Variants in VAV3 observed in about 807,000 individuals in gnomAD.
The protein encoded by VAV3 is guanine nucleotide exchange factor VAV3.
VAV3 carries 94 observed loss-of-function variants against 131.2 expected under a neutral mutation model. The observed-to-expected ratio is 0.72, with a 90% CI of 0.61 to 0.85. The LOEUF (loss-of-function observed/expected upper bound fraction) is 0.85, where lower values mean the gene tolerates loss of function less well. Ranked by LOEUF, VAV3 falls within the 40% of genes least tolerant of loss-of-function variation. VAV3 has a pLI of 0.00. For missense variants in VAV3, 939 were observed against 1,002.7 expected (o/e 0.94, Z 0.86); for synonymous variants, 349 against 342.0 (o/e 1.02, Z -0.22).
intron 1 of VAV3, among the ~76,000 whole-genome samples, chr1:107,914,028 C>A (rs1433877466): frequency 6.6e-6 from 1 of 152,206 alleles, no homozygotes; most frequent in South Asian, 2.1e-4. Context: ...CTCCTGACCT[C>A]AGGTGATCTG....
chr1:107,639,545 T>A (rs1268911741), intron 20 of VAV3, among the ~76,000 whole-genome samples: 2 of 152,200 alleles, frequency 1.3e-5, no homozygotes, highest in East Asian at 3.8e-4. Flanking sequence ...AGCAAAGTTA[T>A]ATAGATGGTA....
intron 15 of VAV3, among the ~76,000 whole-genome samples, chr1:107,722,840 C>CTTTTTTTTTTTTTTTTTTTTTTTTTT (rs374127110): frequency 7.7e-6 from 1 of 129,812 alleles, no homozygotes; most frequent in Non-Finnish European, 1.6e-5. Context: ...ATTATCCTCT[C>CTTTTTTTTTTTTTTTTTTTTTTTTTT]TTTTTTTTTT....
intron 13 of VAV3, 89 bp from the exon 14 acceptor site, chr1:107,749,683 T>C (rs567300295): frequency 2.0e-5 from 29 of 1,439,808 alleles, no homozygotes; most frequent in South Asian, 1.2e-4. Flanking sequence ...CAAATGTTTT[T>C]TTCTTTGCAT....
chr1:107,772,663 T>A, intron 5 of VAV3, 72 bp downstream of exon 5: 1 of 1,309,860 alleles, frequency 7.6e-7, no homozygotes, highest in Admixed American at 2.0e-5. Context: ...AGATGTTACA[T>A]AAATTATTAT....
intron 25 of VAV3, among the ~76,000 whole-genome samples, chr1:107,588,852 G>T (rs539746662): frequency 3.3e-5 from 5 of 152,092 alleles, no homozygotes; most frequent in African/African-American, 1.2e-4. Flanking sequence ...GAATTCTTAG[G>T]TTCTCTTATT....
chr1:107,873,075 G>T (rs1670325536), intron 2 of VAV3, among the ~76,000 whole-genome samples: 1 of 152,112 alleles, frequency 6.6e-6, no homozygotes, highest in Non-Finnish European at 1.5e-5. Flanking sequence ...TATAATGTAG[G>T]TTCAAGTTCT....
intron 24 of VAV3, among the ~76,000 whole-genome samples, chr1:107,597,531 T>A (rs2101077959): frequency 6.6e-6 from 1 of 152,294 alleles, no homozygotes; most frequent in South Asian, 2.1e-4. Context: ...GAGAACTTTG[T>A]TTTGTGTATC....
intron 17 of VAV3, among the ~76,000 whole-genome samples, chr1:107,703,688 T>C (rs918319868): frequency 6.6e-6 from 1 of 152,238 alleles, no homozygotes; most frequent in Non-Finnish European, 1.5e-5. Flanking sequence ...TTATCCAAAA[T>C]AATTCAATGT....
At chr1:107,621,089 A>ACTTT (rs556223868) in intron 20 of VAV3, among the ~76,000 whole-genome samples, 1 of 147,340 alleles carries the variant, frequency 6.8e-6, no homozygotes, top group East Asian at 2.0e-4. Context: ...ATCAAAACTC[A>ACTTT]TTTTTTTTTT....
chr1:107,890,118 C>T (rs1671243417), intron 1 of VAV3, among the ~76,000 whole-genome samples: 2 of 152,012 alleles, frequency 1.3e-5, no homozygotes, highest in South Asian at 4.1e-4. Flanking sequence ...AGTATCAATG[C>T]TTAGGTTTTG....
At chr1:107,908,967 G>C (rs1672243283) in intron 1 of VAV3, among the ~76,000 whole-genome samples, 1 of 151,708 alleles carries the variant, frequency 6.6e-6, no homozygotes, top group Admixed American at 6.6e-5. Context: ...TACAACAACT[G>C]CTATTCATAT....
intron 25 of VAV3, among the ~76,000 whole-genome samples, chr1:107,584,808 G>A (rs970992199): frequency 6.6e-6 from 1 of 152,032 alleles, no homozygotes; most frequent in Non-Finnish European, 1.5e-5. Context: ...TAAGTATAAG[G>A]TCTTTCTTAT....
At chr1:107,964,595 A>G (rs973639644) in intron 1 of VAV3, 71 bp downstream of exon 1, 2 of 1,524,704 alleles carry the variant, frequency 1.3e-6, no homozygotes, top group Non-Finnish European at 1.8e-6. Context: ...TTGCATTTAC[A>G]CAAAGAAATT....
In VAV3 at chr1:107,813,639, T is replaced by A. The variant is rs143753260; in HGVS notation, c.322-34147A>T. On this transcript the variant is annotated intron_variant, in intron 2 of 26. Transcript: ENST00000370056. The stretch of plus-strand genomic sequence containing the variant: ...TTCAAGTCCTCTCTTCTAGCTATTT[T>A]GAAAAATGTAATGCATTATTAACTA... 8.5e-5 allele frequency among the ~76,000 whole-genome samples: 13 copies of A among 152,304 alleles called. No individual in the cohort carries two copies. In the East Asian group the frequency reaches 2.5e-3, roughly 29 times the overall value.
At chr1:107,690,235 G>A (rs1659331647) in intron 17 of VAV3, among the ~76,000 whole-genome samples, 1 of 152,092 alleles carries the variant, frequency 6.6e-6, no homozygotes, top group Non-Finnish European at 1.5e-5. Context: ...TATTATTCAT[G>A]GCATAAAACC....
intron 1 of VAV3, among the ~76,000 whole-genome samples, chr1:107,931,537 T>A (rs1004395020): frequency 5.9e-5 from 9 of 152,248 alleles, no homozygotes; most frequent in African/African-American, 1.9e-4. Flanking sequence ...TCTTTGTGTA[T>A]GTTTAAAATT....
intron 1 of VAV3, among the ~76,000 whole-genome samples, chr1:107,895,123 A>G (rs966222477): frequency 2.7e-5 from 4 of 149,474 alleles, no homozygotes; most frequent in Middle Eastern, 3.4e-3. Flanking sequence ...GACGAAGAGG[A>G]AAAAAAAAAG....
chr1:107,815,779 C>T (rs1312633618), intron 2 of VAV3, among the ~76,000 whole-genome samples: 1 of 152,110 alleles, frequency 6.6e-6, no homozygotes, highest in Non-Finnish European at 1.5e-5. Flanking sequence ...CTTCTTTAGC[C>T]ACATATATGC....
chr1:107,889,100 CCA>C (rs1671184499), intron 1 of VAV3, among the ~76,000 whole-genome samples: 1 of 147,926 alleles, frequency 6.8e-6, no homozygotes, highest in African/African-American at 2.5e-5. Flanking sequence ...GGATTTGCAT[CCA>C]GGACTTTTGT....
Sources: gnomAD v4.1 joint callset for allele counts (sites outside exome capture counted in the v4.1 genomes callset) on GRCh38, gnomAD v4.1.1 for gene constraint, MANE v1.5 for transcripts, NCBI Gene and HGNC (gene_info 2026-07-23, HGNC 2026-07-21) for gene names.